The following PTPN13 variants were observed in gnomAD, a reference collection of about 807,000 sequenced individuals.
PTPN13 encodes the protein tyrosine-protein phosphatase non-receptor type 13.
In PTPN13, 191 loss-of-function variants were observed where a neutral mutation model predicts 284.0. That is an observed-to-expected ratio of 0.67 (90% confidence interval 0.60 to 0.76). The LOEUF is 0.76. Among genes scored for constraint, PTPN13 ranks in the 30% least tolerant of loss-of-function variants. The probability of loss-of-function intolerance (pLI) is 0.00; values close to 1 mark genes in which losing one functional copy is unlikely to be tolerated. For synonymous variants in PTPN13, 986 were observed against 1,022.3 expected, an observed-to-expected ratio of 0.96 and a Z score of 0.68; for missense variants, 2,797 against 2,939.9, an observed-to-expected ratio of 0.95 and a Z score of 1.12.
In PTPN13 at chr4:86,750,996, C is replaced by G. The variant is rs369954807; in HGVS notation, c.3069-31C>G. Reference sequence around the variant, plus strand: ...TTCACCATATTTTTTTACATTAACACTTCCCTCCTACCTTCCTTTTCCCTC... The same window carrying G: ...TTCACCATATTTTTTTACATTAACAGTTCCCTCCTACCTTCCTTTTCCCTC... On this transcript the variant is annotated intron_variant, in intron 18 of 47. Transcript: ENST00000411767. The G allele has an allele frequency of 5.5e-4, 856 of 1,568,868 alleles. No homozygotes were observed. The highest frequency in any genetic ancestry group is 7.1e-4 in the Non-Finnish European group (819 of 1,147,092).
intron 6 of PTPN13, among the ~76,000 whole-genome samples, chr4:86,695,677 T>C (rs1017573745): frequency 1.3e-5 from 2 of 151,928 alleles, no homozygotes; most frequent in African/African-American, 4.8e-5. Context: ...ACCTCCCTCT[T>C]TCCTTTCCTC....
At chr4:86,780,581 CTAAAA>C in intron 36 of PTPN13, 109 bp downstream of exon 36, 2 of 750,354 alleles carry the variant, frequency 2.7e-6, no homozygotes, top group Non-Finnish European at 4.7e-6. Context: ...TAACTTACAC[CTAAAA>C]TATAATCCAG....
At position 86,805,269 on chromosome 4, in the gene PTPN13, T is replaced by C. The variant is rs1744526578; in HGVS notation, c.6655-10T>C. Reference sequence around the variant, plus strand: ...ATCTCAACAAATTTATTTCCATGTTTTGCTTACAGAATCTTCAAGAATTAA... The same window carrying C: ...ATCTCAACAAATTTATTTCCATGTTCTGCTTACAGAATCTTCAAGAATTAA... On this transcript the variant is annotated splice_polypyrimidine_tract_variant and intron_variant, in intron 43 of 47. Transcript: ENST00000411767. The C allele has an allele frequency of 6.5e-7, 1 of 1,539,120 alleles. No homozygotes were observed. The highest frequency in any genetic ancestry group is 1.2e-5 in the South Asian group (1 of 84,722).
At chr4:86,732,987 A>G (rs1735109164) in intron 12 of PTPN13, among the ~76,000 whole-genome samples, 1 of 151,838 alleles carries the variant, frequency 6.6e-6, no homozygotes, top group South Asian at 2.1e-4. Flanking sequence ...AGATTTTTTT[A>G]TTTTTTGCTA....
At chr4:86,678,289 G>T (rs1728514013) in intron 3 of PTPN13, among the ~76,000 whole-genome samples, 1 of 152,116 alleles carries the variant, frequency 6.6e-6, no homozygotes, top group Non-Finnish European at 1.5e-5. Flanking sequence ...ATAAATTTGT[G>T]CAATTGCTTT....
intron 6 of PTPN13, among the ~76,000 whole-genome samples, chr4:86,694,417 T>C (rs1201868858): frequency 6.6e-6 from 1 of 151,300 alleles, no homozygotes; most frequent in African/African-American, 2.4e-5. Context: ...CCCATCTCTC[T>C]AAAAATACAA....
intron 15 of PTPN13, 39 bp downstream of exon 15, chr4:86,735,785 T>C (rs1489574494): frequency 1.9e-6 from 3 of 1,569,722 alleles, no homozygotes; most frequent in Non-Finnish European, 2.6e-6. Context: ...CTTTGTATCT[T>C]TTCCAAGTAA....
chr4:86,784,429 T>G, intron 37 of PTPN13, 36 bp from the exon 38 acceptor site: 1 of 1,450,278 alleles, frequency 6.9e-7, no homozygotes, highest in Non-Finnish European at 9.5e-7. Context: ...GTTAGTAAAA[T>G]ACTATCTGAT....
At chr4:86,662,704 A>G (rs1051232005) in intron 2 of PTPN13, among the ~76,000 whole-genome samples, 2 of 152,254 alleles carry the variant, frequency 1.3e-5, no homozygotes, top group Admixed American at 1.3e-4. Context: ...TTACACATAC[A>G]TAGAGTAGTT....
intron 35 of PTPN13, among the ~76,000 whole-genome samples, chr4:86,779,561 G>C (rs1385706679): frequency 6.6e-6 from 1 of 152,098 alleles, no homozygotes. Flanking sequence ...TTTTTGTTGG[G>C]GGAGAGAAGT....
Position 86,766,438 on chromosome 4 carries a change from G to A in PTPN13, c.4250G>A (p.Arg1417His), listed in dbSNP as rs528674242. The A allele has an allele frequency of 4.6e-5, 73 of 1,604,254 alleles. No homozygotes were observed. Among genetic ancestry groups the A allele is most frequent in the African/African-American group, 8.1e-5 (6 of 74,486 alleles). Residue 1417 changes from arginine (R) to histidine (H), a missense_variant, in exon 27 of 48, where the codon CGC becomes CAC. Coordinates refer to ENST00000411767, the MANE Select transcript of PTPN13 (RefSeq NM_080683.3). ...TGAACTGCCTAATTTTTAGGTGATCGCGTCCTAGCTGTCAATGGAGTTAGT... is the reference window on the plus strand; with the variant it reads ...TGAACTGCCTAATTTTTAGGTGATCACGTCCTAGCTGTCAATGGAGTTAGT... ...ESDGRIHKGD[R>H]VLAVNGVSLE...
intron 1 of PTPN13, among the ~76,000 whole-genome samples, chr4:86,621,286 A>G (rs1721210355): frequency 6.6e-6 from 1 of 152,238 alleles, no homozygotes; most frequent in Non-Finnish European, 1.5e-5. Flanking sequence ...CTCCATTTAA[A>G]GATGTAGCCC....
intron 2 of PTPN13, among the ~76,000 whole-genome samples, chr4:86,668,368 A>G (rs775100018): frequency 6.6e-6 from 1 of 152,072 alleles, no homozygotes; most frequent in Non-Finnish European, 1.5e-5. Flanking sequence ...TCTAGCCACA[A>G]CTCTAAATTC....
At chr4:86,704,768 A>G (rs1204061130) in intron 7 of PTPN13, among the ~76,000 whole-genome samples, 2 of 152,204 alleles carry the variant, frequency 1.3e-5, no homozygotes, top group Non-Finnish European at 2.9e-5. Flanking sequence ...TGCTCTCATG[A>G]AGAACCTACC....
At chr4:86,643,155 A>C (rs1332708630) in intron 2 of PTPN13, among the ~76,000 whole-genome samples, 1 of 152,228 alleles carries the variant, frequency 6.6e-6, no homozygotes, top group Non-Finnish European at 1.5e-5. Flanking sequence ...TAATAAATAA[A>C]AGAATTAATG....
At chr4:86,709,796 C>T (rs1330823994) in intron 7 of PTPN13, among the ~76,000 whole-genome samples, 1 of 152,164 alleles carries the variant, frequency 6.6e-6, no homozygotes, top group African/African-American at 2.4e-5. Flanking sequence ...ACACAAGACC[C>T]CCATAGAAGG....
At chr4:86,794,027 CA>C (rs1206414867) in intron 40 of PTPN13, among the ~76,000 whole-genome samples, 1 of 152,054 alleles carries the variant, frequency 6.6e-6, no homozygotes, top group Non-Finnish European at 1.5e-5. Context: ...GATAGAGACA[CA>C]AAAAACCATT....
intron 10 of PTPN13, among the ~76,000 whole-genome samples, chr4:86,723,552 C>A (rs1420784358): frequency 6.6e-6 from 1 of 152,196 alleles, no homozygotes; most frequent in South Asian, 2.1e-4. Flanking sequence ...TAATTAACAT[C>A]CCTGCAGCTA....
At chr4:86,810,919 C>T in intron 46 of PTPN13, 127 bp from the exon 47 acceptor site, 1 of 770,216 alleles carries the variant, frequency 1.3e-6, no homozygotes, top group East Asian at 3.0e-5. Context: ...GGAGAGTTTC[C>T]CAAGACTACC....
Sources: gnomAD v4.1 joint callset for allele counts (sites outside exome capture counted in the v4.1 genomes callset) on GRCh38, gnomAD v4.1.1 for gene constraint, MANE v1.5 for transcripts, NCBI Gene and HGNC (gene_info 2026-07-23, HGNC 2026-07-21) for gene names.